The following PTPN1 variants were observed in gnomAD, a reference collection of about 807,000 sequenced individuals.
PTPN1 encodes the protein protein tyrosine phosphatase non-receptor type 1.
A neutral mutation model predicts 59.9 loss-of-function variants in PTPN1; 12 were observed. The ratio of observed to expected loss-of-function variants is 0.20; its 90% CI spans 0.13 to 0.32. PTPN1 has a LOEUF of 0.32. Among genes scored for constraint, PTPN1 ranks in the 10% least tolerant of loss-of-function variants. The pLI, the probability that PTPN1 is intolerant of heterozygous loss-of-function variation, is 1.00. For missense variants in PTPN1, 356 were observed against 549.2 expected, an observed-to-expected ratio of 0.65 and a Z score of 3.52; for synonymous variants, 178 against 203.6, an observed-to-expected ratio of 0.87 and a Z score of 1.07.
intron 1 of PTPN1, among the ~76,000 whole-genome samples, chr20:50,546,770 T>G (rs1471106925): frequency 6.6e-6 from 1 of 152,212 alleles, no homozygotes; most frequent in Admixed American, 6.5e-5. Context: ...TATGATACCT[T>G]TCTCCCTGGG....
chr20:50,581,218 C>T, intron 8 of PTPN1, 47 bp from the exon 9 acceptor site: 1 of 1,539,034 alleles, frequency 6.5e-7, no homozygotes, highest in Non-Finnish European at 8.8e-7. Flanking sequence ...CCTTGCCATT[C>T]ATTTTCTCCA....
chr20:50,532,504 T>C (rs2082605822), intron 1 of PTPN1, among the ~76,000 whole-genome samples: 1 of 152,210 alleles, frequency 6.6e-6, no homozygotes. Context: ...GGAGCTCTGA[T>C]TGTATTGTCC....
At chr20:50,514,398 A>T (rs1287270743) in intron 1 of PTPN1, among the ~76,000 whole-genome samples, 1 of 152,226 alleles carries the variant, frequency 6.6e-6, no homozygotes, top group Admixed American at 6.5e-5. Flanking sequence ...AGGTTTTTTG[A>T]CTTAGCTACT....
intron 1 of PTPN1, among the ~76,000 whole-genome samples, chr20:50,556,360 T>G (rs1173006818): frequency 6.6e-6 from 1 of 152,072 alleles, no homozygotes; most frequent in Non-Finnish European, 1.5e-5. Context: ...GGCTATTTTT[T>G]TAAATGTATT....
chr20:50,569,833 C>T (rs1470312792), intron 4 of PTPN1, among the ~76,000 whole-genome samples: 2 of 152,236 alleles, frequency 1.3e-5, no homozygotes, highest in African/African-American at 4.8e-5. Flanking sequence ...TCTGCCTGTG[C>T]AGGCGCAGGC....
At chr20:50,547,595 C>G (rs2082681423) in intron 1 of PTPN1, among the ~76,000 whole-genome samples, 1 of 152,138 alleles carries the variant, frequency 6.6e-6, no homozygotes, top group African/African-American at 2.4e-5. Context: ...AACTCCTGAC[C>G]TTGTGATCCG....
intron 1 of PTPN1, among the ~76,000 whole-genome samples, chr20:50,517,696 T>C (rs544665858): frequency 6.1e-4 from 93 of 152,370 alleles, no homozygotes; most frequent in Non-Finnish European, 6.3e-4. Flanking sequence ...CTCTGTAATA[T>C]GGACTCAGAG....
At position 50,574,513 on chromosome 20, in the gene PTPN1, C is replaced by G; in HGVS notation, c.355-4C>G. On this transcript the variant is annotated splice_region_variant and splice_polypyrimidine_tract_variant and intron_variant, in intron 4 of 9. Transcript: ENST00000371621. ...CAATAATTCACTATTATTTGTTTCC[C>G]CAGTTAAAATGCGCACAATACTGGC... The G allele has an allele frequency of 6.3e-7, 1 of 1,578,102 alleles. No homozygotes were observed. Among genetic ancestry groups the G allele is most frequent in the Non-Finnish European group, 8.6e-7 (1 of 1,168,678 alleles).
intron 8 of PTPN1, among the ~76,000 whole-genome samples, chr20:50,580,447 T>C (rs1170105046): frequency 6.6e-6 from 1 of 152,252 alleles, no homozygotes; most frequent in African/African-American, 2.4e-5. Flanking sequence ...GTCTGTGTTC[T>C]AGACCATCTT....
intron 1 of PTPN1, among the ~76,000 whole-genome samples, chr20:50,530,175 A>ATTTTTTTTTTTT (rs781236833): frequency 2.5e-5 from 3 of 121,092 alleles, no homozygotes; most frequent in South Asian, 2.8e-4. Context: ...TGCCTGGCTG[A>ATTTTTTTTTTTT]TTTTTTTTTT....
Position 50,581,373 on chromosome 20 carries a change from G to A in PTPN1, c.1197G>A (p.Glu399=), listed in dbSNP as rs1415221404. ...AGCCGTCACTGCCCGAGAAGGACGA[G>A]GACCATGCACTGAGTTACTGGAAGC... is the stretch of plus-strand genomic sequence containing the variant. ...KGEPSLPEKD[E]DHALSYWKPF... is the part of the protein sequence containing the mutation. Residue 399 remains glutamate (E), a synonymous_variant, in exon 9 of 10, where the codon GAG becomes GAA. Coordinates refer to ENST00000371621, the MANE Select transcript of PTPN1 (RefSeq NM_002827.4). 1 of 1,614,166 alleles carries A rather than the reference G, an allele frequency of 6.2e-7. No homozygotes were observed. The highest frequency in any genetic ancestry group is 1.7e-5 in the Admixed American group (1 of 60,026).
chr20:50,541,990 C>T (rs528742210), intron 1 of PTPN1, among the ~76,000 whole-genome samples: 2 of 152,322 alleles, frequency 1.3e-5, no homozygotes, highest in Non-Finnish European at 2.9e-5. Context: ...TAGACTTCCC[C>T]TCTGATCAGT....
chr20:50,514,971 T>A (rs1420688629), intron 1 of PTPN1, among the ~76,000 whole-genome samples: 2 of 152,212 alleles, frequency 1.3e-5, no homozygotes, highest in Non-Finnish European at 2.9e-5. Context: ...ACACTAGTAG[T>A]CTAGGTTCTC....
In PTPN1 at chr20:50,510,578, G is replaced by C; in HGVS notation, c.51G>C (p.Ala17=). 1 of 1,550,584 alleles carries C rather than the reference G, an allele frequency of 6.4e-7. No homozygotes were observed. The highest frequency in any genetic ancestry group is 1.4e-5 in the African/African-American group (1 of 73,058). Residue 17 remains alanine (A), a synonymous_variant, in exon 1 of 10, where the codon GCG becomes GCC. Transcript: ENST00000371621. ...FEQIDKSGSW[A]AIYQDIRHEA... ...AGATCGACAAGTCCGGGAGCTGGGC[G>C]GCCATTTACCAGGTGCGGGAGCGCC...
intron 3 of PTPN1, among the ~76,000 whole-genome samples, chr20:50,567,905 TAGTC>T (rs1359222782): frequency 3.3e-5 from 5 of 152,242 alleles, no homozygotes; most frequent in African/African-American, 7.2e-5. Context: ...GGACTATTAT[TAGTC>T]AAGTAAGCGA....
At chr20:50,557,277 C>A (rs1304913641) in intron 1 of PTPN1, among the ~76,000 whole-genome samples, 3 of 152,148 alleles carry the variant, frequency 2.0e-5, no homozygotes, top group South Asian at 2.1e-4. Flanking sequence ...GTCGCCCAGG[C>A]TGGAGTACAG....
chr20:50,581,947 C>G (rs746295667), intron 9 of PTPN1, among the ~76,000 whole-genome samples: 3 of 152,176 alleles, frequency 2.0e-5, no homozygotes, highest in Admixed American at 6.5e-5. Flanking sequence ...GAAGGAATCC[C>G]AAACTTTTAC....
chr20:50,579,578 A>G (rs111702723), intron 7 of PTPN1, 125 bp from the exon 8 acceptor site: 29 of 939,138 alleles, frequency 3.1e-5, no homozygotes, highest in South Asian at 1.4e-4. Context: ...TTCCAAGTAC[A>G]TGGCTGCAGC....
chr20:50,566,419 G>T (rs2082779330), intron 3 of PTPN1, among the ~76,000 whole-genome samples: 1 of 152,066 alleles, frequency 6.6e-6, no homozygotes, highest in African/African-American at 2.4e-5. Flanking sequence ...GCATCCTAGC[G>T]CTTCCTTGGG....
Sources: gnomAD v4.1 joint callset for allele counts (sites outside exome capture counted in the v4.1 genomes callset) on GRCh38, gnomAD v4.1.1 for gene constraint, MANE v1.5 for transcripts, NCBI Gene and HGNC (gene_info 2026-07-23, HGNC 2026-07-21) for gene names.